COMMD1: variants seen among roughly 807,000 people sequenced by gnomAD.
COMMD1 encodes copper metabolism domain containing 1.
A neutral mutation model predicts 17.2 loss-of-function variants in COMMD1; 10 were observed. The observed-to-expected ratio is 0.58, with a 90% CI of 0.36 to 0.99. COMMD1 has a LOEUF of 0.99. Among genes scored for constraint, COMMD1 ranks in the 50% least tolerant of loss-of-function variants. The probability of loss-of-function intolerance (pLI) is 0.01; values close to 1 mark genes in which losing one functional copy is unlikely to be tolerated. For synonymous variants in COMMD1, 97 were observed against 91.6 expected (o/e 1.06, Z -0.34); for missense variants, 270 against 231.8 (o/e 1.17, Z -1.07).
rs571622015 is a variant in COMMD1, at chr2:62,041,591, A to C, written c.462+40609A>C. ...TTTTGTGTGGAGATGAGGTTTCACC[A>C]TGTTGCCCAAGCTGGTCTTGAGCTC... On this transcript the variant is annotated intron_variant, in intron 2 of 2. Coordinates refer to ENST00000311832, the MANE Select transcript of COMMD1 (RefSeq NM_152516.4). Among the ~76,000 whole-genome samples the C allele has an allele frequency of 1.8e-4, 27 of 152,182 alleles. No homozygotes were observed. The South Asian group carries it at 5.0e-3, about 28-fold the overall frequency.
intron 1 of COMMD1, among the ~76,000 whole-genome samples, chr2:61,908,172 A>T (rs75215140): frequency 2.6e-5 from 4 of 151,742 alleles, no homozygotes; most frequent in African/African-American, 9.7e-5. Context: ...ATTGTTTTAC[A>T]TAGGGCTGAA....
At chr2:62,018,394 A>G (rs1299875608) in intron 2 of COMMD1, among the ~76,000 whole-genome samples, 2 of 152,158 alleles carry the variant, frequency 1.3e-5, no homozygotes, top group East Asian at 3.9e-4. Context: ...TACTAACTAA[A>G]CTCCAGATTT....
intron 1 of COMMD1, among the ~76,000 whole-genome samples, chr2:61,984,060 G>T (rs1672033699): frequency 6.6e-6 from 1 of 152,180 alleles, no homozygotes; most frequent in African/African-American, 2.4e-5. Flanking sequence ...GTCTCGCTCT[G>T]TCACCCAGGC....
chr2:62,040,036 T>A (rs75047843), intron 2 of COMMD1, among the ~76,000 whole-genome samples: 1,838 of 152,250 alleles, frequency 0.012, 42 homozygotes, highest in African/African-American at 0.043. Context: ...CTTGGGGGAT[T>A]GCGTGAGGCC....
chr2:62,133,988 A>G (rs927987618), intron 2 of COMMD1, among the ~76,000 whole-genome samples: 7 of 151,924 alleles, frequency 4.6e-5, no homozygotes, highest in Non-Finnish European at 8.8e-5. Context: ...ATTTTTAGAG[A>G]TAGAGTTTCA....
chr2:62,011,633 T>C (rs1669281241), intron 2 of COMMD1, among the ~76,000 whole-genome samples: 1 of 152,118 alleles, frequency 6.6e-6, no homozygotes, highest in Admixed American at 6.5e-5. Flanking sequence ...AGACACTACA[T>C]AGGAGTTGAG....
At chr2:62,098,157 T>TC (rs1672065105) in intron 2 of COMMD1, among the ~76,000 whole-genome samples, 1 of 148,206 alleles carries the variant, frequency 6.7e-6, no homozygotes, top group Admixed American at 6.7e-5. Context: ...TCCTTTCCTT[T>TC]CTTTCTTTTT....
intron 1 of COMMD1, among the ~76,000 whole-genome samples, chr2:61,962,165 A>G (rs1671358256): frequency 6.6e-6 from 1 of 152,166 alleles, no homozygotes; most frequent in Non-Finnish European, 1.5e-5. Context: ...TATATACCTT[A>G]CAGTCAGTAT....
intron 1 of COMMD1, among the ~76,000 whole-genome samples, chr2:61,934,267 C>G (rs1670545243): frequency 6.6e-6 from 1 of 152,030 alleles, no homozygotes; most frequent in African/African-American, 2.4e-5. Context: ...CTGGAAGGGC[C>G]ATGGGGATGG....
chr2:62,055,267 A>G (rs769509214), intron 2 of COMMD1, among the ~76,000 whole-genome samples: 1 of 152,144 alleles, frequency 6.6e-6, no homozygotes, highest in Non-Finnish European at 1.5e-5. Context: ...CACTTGTCTC[A>G]CTGACAGTTT....
At chr2:62,063,690 CT>C (rs756556076) in intron 2 of COMMD1, among the ~76,000 whole-genome samples, 1 of 151,660 alleles carries the variant, frequency 6.6e-6, no homozygotes, top group Non-Finnish European at 1.5e-5. Flanking sequence ...AAATTAAACT[CT>C]TTTGTATAAA....
intron 2 of COMMD1, among the ~76,000 whole-genome samples, chr2:62,089,195 A>G (rs1671754773): frequency 6.6e-6 from 1 of 151,840 alleles, no homozygotes; most frequent in Admixed American, 6.6e-5. Flanking sequence ...AGATCTAGCT[A>G]TGTTAATAGA....
At chr2:62,113,426 TGAGACA>T (rs1672510165) in intron 2 of COMMD1, among the ~76,000 whole-genome samples, 1 of 152,208 alleles carries the variant, frequency 6.6e-6, no homozygotes, top group Non-Finnish European at 1.5e-5. Context: ...TTTTTATTTT[TGAGACA>T]GAGTCTCGCT....
chr2:62,062,690 C>T (rs1199241419), intron 2 of COMMD1, among the ~76,000 whole-genome samples: 3 of 151,994 alleles, frequency 2.0e-5, no homozygotes, highest in Non-Finnish European at 2.9e-5. Flanking sequence ...AAAAAAAAAT[C>T]TCTGTTCATT....
chr2:62,058,731 C>G, intron 2 of COMMD1, among the ~76,000 whole-genome samples: 1 of 151,392 alleles, frequency 6.6e-6, no homozygotes, highest in South Asian at 2.1e-4. Flanking sequence ...GAGCAAAACC[C>G]TGTCTCAAAA....
At chr2:61,973,951 G>A (rs1418613485) in intron 1 of COMMD1, among the ~76,000 whole-genome samples, 1 of 152,146 alleles carries the variant, frequency 6.6e-6, no homozygotes. Flanking sequence ...CCTCAAGTAA[G>A]TACTCTTCTG....
At chr2:61,901,245 C>T (rs1187180933), upstream of COMMD1, among the ~76,000 whole-genome samples, 1 of 151,768 alleles carries the variant, frequency 6.6e-6, no homozygotes, top group African/African-American at 2.4e-5. Flanking sequence ...CTGCGCACGA[C>T]CAAAACACAT....
At chr2:62,131,302 C>T (rs1465989471) in intron 2 of COMMD1, among the ~76,000 whole-genome samples, 1 of 152,190 alleles carries the variant, frequency 6.6e-6, no homozygotes, top group East Asian at 1.9e-4. Flanking sequence ...TCTGACTCTA[C>T]TCCATACTGC....
chr2:61,958,391 C>G (rs746319741), intron 1 of COMMD1, among the ~76,000 whole-genome samples: 1 of 151,964 alleles, frequency 6.6e-6, no homozygotes, highest in Non-Finnish European at 1.5e-5. Flanking sequence ...CTCAGCCTCC[C>G]GAGTAGCTGG....
Sources: allele counts gnomAD v4.1 joint callset (sites outside exome capture counted in the v4.1 genomes callset), GRCh38; gene constraint gnomAD v4.1.1; transcripts MANE v1.5; gene names NCBI Gene and HGNC (gene_info 2026-07-23, HGNC 2026-07-21).